Variants in ATCAY observed in about 807,000 individuals in gnomAD.
ATCAY encodes the protein ATCAY kinesin light chain interacting caytaxin, also known as caytaxin.
A neutral mutation model predicts 47.7 loss-of-function variants in ATCAY; 22 were observed. That is an observed-to-expected ratio of 0.46 (90% confidence interval 0.33 to 0.66). ATCAY has a LOEUF of 0.66. ATCAY is among the 30% of genes least tolerant of loss of function. The probability of loss-of-function intolerance (pLI) is 0.02; values close to 1 mark genes in which losing one functional copy is unlikely to be tolerated. For synonymous variants in ATCAY, 216 were observed against 207.6 expected (o/e 1.04, Z -0.35); for missense variants, 452 against 515.0 (o/e 0.88, Z 1.18).
intron 12 of ATCAY, among the ~76,000 whole-genome samples, chr19:3,921,036 CA>C (rs1376047420): frequency 1.3e-5 from 2 of 152,070 alleles, no homozygotes; most frequent in African/African-American, 2.4e-5. Flanking sequence ...TGCACAACTC[CA>C]GGGGGGCACC....
chr19:3,883,614 G>A (rs552122183), intron 1 of ATCAY, among the ~76,000 whole-genome samples: 1 of 152,288 alleles, frequency 6.6e-6, no homozygotes, highest in East Asian at 1.9e-4. Context: ...CAGCACCCCT[G>A]GCCTGCCCAG....
rs1374296109 is a variant in ATCAY, at chr19:3,907,492, G to A, written c.359-242G>A. Among the ~76,000 whole-genome samples, 1 of 152,224 alleles carries A rather than the reference G, an allele frequency of 6.6e-6. No homozygotes were observed. Among genetic ancestry groups the A allele is most frequent in the Non-Finnish European group, 1.5e-5 (1 of 68,046 alleles). ...GACACAGGTCCTTAACCAACAGAGTGCCCTGGGAGGCCAGCAAAGGGAATG... is the reference window on the plus strand; with the variant it reads ...GACACAGGTCCTTAACCAACAGAGTACCCTGGGAGGCCAGCAAAGGGAATG... On this transcript the variant is annotated intron_variant, in intron 4 of 12. Transcript: ENST00000450849. The surrounding 1 kb of genome is among the most constrained non-coding windows in gnomAD (Gnocchi z 5.1).
intron 11 of ATCAY, among the ~76,000 whole-genome samples, chr19:3,919,219 A>G (rs2038994610): frequency 6.6e-6 from 1 of 152,014 alleles, no homozygotes; most frequent in Non-Finnish European, 1.5e-5. Flanking sequence ...CAGAGGTTGC[A>G]GTGAGCCGAG....
chr19:3,882,018 C>T (rs1023064069), intron 1 of ATCAY, among the ~76,000 whole-genome samples: 2 of 151,742 alleles, frequency 1.3e-5, no homozygotes, highest in African/African-American at 4.8e-5. Context: ...TAGTTTTAGC[C>T]GTCCCCTCCC....
intron 7 of ATCAY, among the ~76,000 whole-genome samples, chr19:3,910,218 T>A (rs959007363): frequency 6.6e-6 from 1 of 152,202 alleles, no homozygotes; most frequent in Admixed American, 6.5e-5. Context: ...TCCTTTTGTG[T>A]CTGGCTTTCC....
chr19:3,918,192 CTGGACAACA>C (rs1367098129), intron 10 of ATCAY, among the ~76,000 whole-genome samples: 1 of 151,928 alleles, frequency 6.6e-6, no homozygotes, highest in Non-Finnish European at 1.5e-5. Flanking sequence ...GGAGAACAAC[CTGGACAACA>C]TGGCGTAACT....
chr19:3,890,656 T>A (rs916646448), intron 2 of ATCAY, among the ~76,000 whole-genome samples: 1 of 152,158 alleles, frequency 6.6e-6, no homozygotes, highest in African/African-American at 2.4e-5. Flanking sequence ...CTGGAGGCCC[T>A]TTCTGGAAGG....
intron 12 of ATCAY, chr19:3,922,070 A>G (rs2039025744): frequency 2.9e-6 from 2 of 682,176 alleles, no homozygotes; most frequent in Non-Finnish European, 5.3e-6. Flanking sequence ...GCTGCCAACT[A>G]GAGAAGCTGA....
At chr19:3,885,593 G>A (rs2038641904) in intron 1 of ATCAY, 134 bp from the exon 2 acceptor site, 1 of 563,982 alleles carries the variant, frequency 1.8e-6, no homozygotes, top group Non-Finnish European at 3.1e-6. Context: ...GAGGAGAGGA[G>A]AAAGGAGAGA....
chr19:3,886,315 G>A lies in ATCAY; in HGVS notation c.77+471G>A, dbSNP rs148151763. 3.1e-3 allele frequency among the ~76,000 whole-genome samples: 473 copies of A among 152,154 alleles called. 5 individuals are homozygous for A. The highest frequency in any genetic ancestry group is 0.011 in the African/African-American group (439 of 41,508). ...ACTACAAAAATTAGCTGGGCATGCC[G>A]GGCGCAGTGACTCATGCCTGTAATC... On this transcript the variant is annotated intron_variant, in intron 2 of 12. Transcript: ENST00000450849.
At chr19:3,897,724 G>C (rs10412405) in intron 2 of ATCAY, among the ~76,000 whole-genome samples, 4,267 of 151,994 alleles carry the variant, frequency 0.028, 88 homozygotes, top group South Asian at 0.058. Context: ...CCTGGCCAAC[G>C]TGGTGAAACC....
Position 3,924,928 on chromosome 19 carries a change from G to A in ATCAY, c.*336G>A. On this transcript the variant is annotated 3_prime_UTR_variant, in exon 13 of 13. Transcript: ENST00000450849. Reference sequence around the variant, plus strand: ...TCGGTGGCCTCCGCTCCTGCTCGCAGCCTCTGTGGTCAGAGCTGGATACAA... The same window carrying A: ...TCGGTGGCCTCCGCTCCTGCTCGCAACCTCTGTGGTCAGAGCTGGATACAA... 1 of 337,738 alleles carries A rather than the reference G, an allele frequency of 3.0e-6. No homozygotes were observed. The highest frequency in any genetic ancestry group is 5.5e-6 in the Non-Finnish European group (1 of 180,716). The allele number at this position is 337,738 out of a possible 1,614,324, so 20.9% of individuals were successfully genotyped here. A position where few individuals can be genotyped will look rare whatever the true frequency, so the allele number is the denominator to read the frequency against.
chr19:3,906,406 G>A (rs1320438108), intron 4 of ATCAY, among the ~76,000 whole-genome samples: 1 of 150,884 alleles, frequency 6.6e-6, no homozygotes, highest in Non-Finnish European at 1.5e-5. Context: ...GGGTTCAAGC[G>A]ATTCTTTTGC....
In ATCAY at chr19:3,887,629, G is replaced by A. The variant is rs1178621197; in HGVS notation, c.77+1785G>A. ...AGCCTCCCGAGTAGCTGGGACTACG[G>A]GCACCCGCCACCACGCCCGGCTAAT... On this transcript the variant is annotated intron_variant, in intron 2 of 12. Coordinates refer to ENST00000450849, the MANE Select transcript of ATCAY (RefSeq NM_033064.5). Among the ~76,000 whole-genome samples, 4 of 150,962 alleles carry A rather than the reference G, an allele frequency of 2.6e-5. No homozygotes were observed. In the East Asian group the frequency reaches 6.1e-4, roughly 23 times the overall value.
chr19:3,882,185 A>T (rs1053615400), intron 1 of ATCAY, among the ~76,000 whole-genome samples: 4 of 151,790 alleles, frequency 2.6e-5, no homozygotes, highest in South Asian at 2.1e-4. Flanking sequence ...GGGGCCTTAG[A>T]TGCTTCATGT....
chr19:3,900,643 T>G (rs2038808451), intron 2 of ATCAY, among the ~76,000 whole-genome samples: 1 of 151,466 alleles, frequency 6.6e-6, no homozygotes, highest in African/African-American at 2.4e-5. Flanking sequence ...TTCAAGCGAT[T>G]CTCCTGCCTC....
intron 9 of ATCAY, among the ~76,000 whole-genome samples, chr19:3,914,833 A>AG (rs982454391): frequency 1.3e-5 from 2 of 151,066 alleles, no homozygotes; most frequent in African/African-American, 4.9e-5. Context: ...AGAAAAAAAA[A>AG]AAAAGATTTG....
At chr19:3,891,199 G>A (rs867790963) in intron 2 of ATCAY, among the ~76,000 whole-genome samples, 1 of 151,860 alleles carries the variant, frequency 6.6e-6, no homozygotes, top group Non-Finnish European at 1.5e-5. Flanking sequence ...TTACAGGTAC[G>A]CACCACCATG....
intron 9 of ATCAY, among the ~76,000 whole-genome samples, 158 bp from the exon 10 acceptor site, chr19:3,917,584 C>CAAAAAAAAAAA (rs71166940): frequency 9.8e-5 from 4 of 40,830 alleles, no homozygotes; most frequent in Admixed American, 3.6e-4. Flanking sequence ...GACTCCATCT[C>CAAAAAAAAAAA]AAAAAAAAAA....
Sources: allele counts gnomAD v4.1 joint callset (sites outside exome capture counted in the v4.1 genomes callset), GRCh38; gene constraint gnomAD v4.1.1; non-coding constraint Gnocchi (gnomAD v3.1); transcripts MANE v1.5; gene names NCBI Gene and HGNC (gene_info 2026-07-23, HGNC 2026-07-21).